CRADD: variants seen among roughly 807,000 people sequenced by gnomAD.
The protein encoded by CRADD is CARD and death domain containing adaptor protein.
Under a neutral mutation model 15.5 loss-of-function variants are expected in CRADD, and 9 were observed. The observed-to-expected ratio is 0.58, with a 90% CI of 0.35 to 1.01. The LOEUF (loss-of-function observed/expected upper bound fraction) is 1.01. Among genes scored for constraint, CRADD ranks in the 50% least tolerant of loss-of-function variants. The probability of loss-of-function intolerance (pLI) is 0.02; values close to 1 mark genes in which losing one functional copy is unlikely to be tolerated. For missense variants in CRADD, 227 were observed against 250.3 expected (o/e 0.91, Z 0.63); for synonymous variants, 118 against 107.6 (o/e 1.10, Z -0.60).
intron 2 of CRADD, among the ~76,000 whole-genome samples, chr12:93,679,285 G>A (rs1032740183): frequency 1.3e-5 from 2 of 152,102 alleles, no homozygotes; most frequent in Non-Finnish European, 1.5e-5. Flanking sequence ...GGGAATACAG[G>A]CATTTGCCAC....
intron 2 of CRADD, among the ~76,000 whole-genome samples, chr12:93,788,382 A>G (rs374342656): frequency 1.3e-5 from 2 of 152,112 alleles, no homozygotes; most frequent in South Asian, 2.1e-4. Flanking sequence ...TGTCCCTCTC[A>G]TGACACGTGG....
chr12:93,858,899 A>G (rs1009418150), intron 2 of CRADD, among the ~76,000 whole-genome samples: 2 of 152,238 alleles, frequency 1.3e-5, no homozygotes, highest in African/African-American at 4.8e-5. Context: ...TTCCCCACGC[A>G]GTCTATTTCC....
At chr12:93,878,920 C>T (rs1029561724) in intron 2 of CRADD, among the ~76,000 whole-genome samples, 1 of 152,122 alleles carries the variant, frequency 6.6e-6, no homozygotes, top group Non-Finnish European at 1.5e-5. Flanking sequence ...CTGCGTAGAT[C>T]GTTGTTAAAT....
rs144393192 is a variant in CRADD at position 93,831,838 on chromosome 12, A to G, written c.299-18132A>G. 3.5e-3 allele frequency among the ~76,000 whole-genome samples: 537 copies of G among 152,276 alleles called. 3 individuals are homozygous for G. Among genetic ancestry groups the G allele is most frequent in the African/African-American group, 0.012 (518 of 41,558 alleles). On this transcript the variant is annotated intron_variant, in intron 2 of 2. Coordinates refer to ENST00000332896, the MANE Select transcript of CRADD (RefSeq NM_003805.5). ...ACATGCAGTCAGGTCACTGATTTGG[A>G]AGTGGTCTGTTTGATTGATGTGGAT... is the stretch of plus-strand genomic sequence containing the variant.
chr12:93,813,760 G>A (rs1451453033), intron 2 of CRADD, among the ~76,000 whole-genome samples: 1 of 151,948 alleles, frequency 6.6e-6, no homozygotes, highest in Middle Eastern at 3.2e-3. Context: ...CTGAGAGGGG[G>A]GTATGGAGCT....
intron 2 of CRADD, among the ~76,000 whole-genome samples, chr12:93,697,282 A>G (rs950250243): frequency 6.6e-6 from 1 of 152,172 alleles, no homozygotes; most frequent in Non-Finnish European, 1.5e-5. Flanking sequence ...GTGCCTGACT[A>G]AAGGGCTGGA....
At chr12:93,750,504 A>G (rs903495760) in intron 2 of CRADD, among the ~76,000 whole-genome samples, 8 of 152,214 alleles carry the variant, frequency 5.3e-5, no homozygotes, top group African/African-American at 1.7e-4. Context: ...GAATATTCAC[A>G]TACTACATAA....
At position 93,824,010 on chromosome 12, in the gene CRADD, A is replaced by G. The variant is rs1057201459; in HGVS notation, c.299-25960A>G. Reference sequence around the variant, plus strand: ...GTGACCCAAACTGACAAAATAATGAAATACATGGCGTTTCCCCAGTGAATG... The same window carrying G: ...GTGACCCAAACTGACAAAATAATGAGATACATGGCGTTTCCCCAGTGAATG... On this transcript the variant is annotated intron_variant, in intron 2 of 2. Transcript: ENST00000332896. The surrounding 1 kb of genome is among the most constrained non-coding windows in gnomAD (Gnocchi z 4.3). 2.6e-5 allele frequency among the ~76,000 whole-genome samples: 4 copies of G among 152,208 alleles called. No individual in the cohort carries two copies. Among genetic ancestry groups the G allele is most frequent in the Admixed American group, 6.5e-5 (1 of 15,280 alleles).
intron 2 of CRADD, among the ~76,000 whole-genome samples, chr12:93,875,573 T>A (rs990399061): frequency 6.6e-6 from 1 of 152,056 alleles, no homozygotes; most frequent in Non-Finnish European, 1.5e-5. Flanking sequence ...CTCCATTATA[T>A]GTTTTTTTGG....
Position 93,824,297 on chromosome 12 carries a change from A to T in CRADD, c.299-25673A>T, listed in dbSNP as rs1957800529. Among the ~76,000 whole-genome samples the T allele has an allele frequency of 6.6e-6, 1 of 152,170 alleles. No individual in the cohort carries two copies. Reference sequence around the variant, plus strand: ...ACAAAGCCAAAAGCAGATGGGACATATGTAGATAAGCTGTTTCATTTTTCA... The same window carrying T: ...ACAAAGCCAAAAGCAGATGGGACATTTGTAGATAAGCTGTTTCATTTTTCA... On this transcript the variant is annotated intron_variant, in intron 2 of 2. Transcript: ENST00000332896. This position sits in a 1 kb window ranked among gnomAD's most constrained non-coding sequence, Gnocchi z 4.3.
At chr12:93,752,469 CTG>C (rs1202200805) in intron 2 of CRADD, among the ~76,000 whole-genome samples, 4 of 152,142 alleles carry the variant, frequency 2.6e-5, no homozygotes, top group Non-Finnish European at 5.9e-5. Flanking sequence ...AAAATAAACA[CTG>C]TGTGTTTAAG....
intron 2 of CRADD, among the ~76,000 whole-genome samples, chr12:93,863,602 G>GTGTGTGTT (rs753893498): frequency 7.6e-6 from 1 of 130,964 alleles, no homozygotes; most frequent in Non-Finnish European, 1.6e-5. Flanking sequence ...GCATTTGTGT[G>GTGTGTGTT]TGTGTGTGTG....
chr12:93,747,165 C>T (rs1956765500), intron 2 of CRADD, among the ~76,000 whole-genome samples: 1 of 152,040 alleles, frequency 6.6e-6, no homozygotes, highest in African/African-American at 2.4e-5. Context: ...TATGGAAAAA[C>T]GTATTGAATT....
At chr12:93,753,815 T>A (rs1262750202) in intron 2 of CRADD, among the ~76,000 whole-genome samples, 1 of 152,222 alleles carries the variant, frequency 6.6e-6, no homozygotes, top group Non-Finnish European at 1.5e-5. Context: ...CTTTCACTGC[T>A]GGAGTTGAGT....
chr12:93,810,551 C>CAAAAAAAAAAAAAAAAAAAAA (rs56689824), intron 2 of CRADD, among the ~76,000 whole-genome samples: 1 of 39,068 alleles, frequency 2.6e-5, no homozygotes, highest in Non-Finnish European at 4.6e-5. Context: ...AAATCAGTCT[C>CAAAAAAAAAAAAAAAAAAAAA]AAAAAAAAAA....
chr12:93,741,766 C>T (rs1332371289), intron 2 of CRADD, among the ~76,000 whole-genome samples: 3 of 152,166 alleles, frequency 2.0e-5, no homozygotes, highest in Non-Finnish European at 4.4e-5. Flanking sequence ...TTGTTTGTGA[C>T]TCTCTGGAAA....
chr12:93,681,733 A>G (rs1192258649), intron 2 of CRADD, among the ~76,000 whole-genome samples: 1 of 152,080 alleles, frequency 6.6e-6, no homozygotes, highest in Non-Finnish European at 1.5e-5. Flanking sequence ...CCCAACCCCC[A>G]CGCAGTGAAA....
chr12:93,719,270 G>C (rs947988457), intron 2 of CRADD, among the ~76,000 whole-genome samples: 3 of 152,134 alleles, frequency 2.0e-5, no homozygotes, highest in African/African-American at 7.2e-5. Context: ...TTTGTATGTT[G>C]AACCAGCCTT....
intron 2 of CRADD, among the ~76,000 whole-genome samples, chr12:93,753,049 C>T (rs1956845922): frequency 6.6e-6 from 1 of 151,990 alleles, no homozygotes; most frequent in African/African-American, 2.4e-5. Context: ...CCACTGGGTT[C>T]TTCCCACGAC....
Sources: gnomAD v4.1 joint callset for allele counts (sites outside exome capture counted in the v4.1 genomes callset) on GRCh38, gnomAD v4.1.1 for gene constraint, Gnocchi (gnomAD v3.1) non-coding constraint, MANE v1.5 for transcripts, NCBI Gene and HGNC (gene_info 2026-07-23, HGNC 2026-07-21) for gene names.